The following SEC63 variants were observed in gnomAD, a reference collection of about 807,000 sequenced individuals.
SEC63 encodes translocation protein SEC63 homolog.
In SEC63, 56 loss-of-function variants were observed where a neutral mutation model predicts 116.2. That is an observed-to-expected ratio of 0.48 (90% CI 0.39 to 0.60). SEC63 has a LOEUF of 0.60. Ranked by LOEUF, SEC63 falls within the 20% of genes least tolerant of loss-of-function variation. The pLI, the probability that SEC63 is intolerant of heterozygous loss-of-function variation, is 0.00. For missense variants in SEC63, 668 were observed against 900.0 expected, an observed-to-expected ratio of 0.74 and a Z score of 3.30; for synonymous variants, 273 against 294.6, an observed-to-expected ratio of 0.93 and a Z score of 0.75.
intron 16 of SEC63, among the ~76,000 whole-genome samples, chr6:107,884,420 A>C (rs1786483143): frequency 6.6e-6 from 1 of 152,134 alleles, no homozygotes. Context: ...AACTATATCC[A>C]ACAGACATTA....
At chr6:107,954,482 C>CAAAAAAAAAAAAAAAAAAAAAAA (rs4028832) in intron 1 of SEC63, 1 of 116,846 alleles carries the variant, frequency 8.6e-6, no homozygotes, top group Admixed American at 1.0e-4. Flanking sequence ...AAAAAAAAAT[C>CAAAAAAAAAAAAAAAAAAAAAAA]AAAAAAAAAA....
Position 107,869,001 on chromosome 6 carries a change from A to C in SEC63, c.*2703T>G, listed in dbSNP as rs1031445877. ...TAACATGCCTAGAGAGCCTCATTATATCTCTCCCTCCCTGTTTCCACATCA... is the reference window on the plus strand; with the variant it reads ...TAACATGCCTAGAGAGCCTCATTATCTCTCTCCCTCCCTGTTTCCACATCA... On this transcript the variant is annotated 3_prime_UTR_variant, in exon 21 of 21. Coordinates refer to ENST00000369002, the MANE Select transcript of SEC63 (RefSeq NM_007214.5). 5 of 152,288 alleles carry C rather than the reference A, an allele frequency of 3.3e-5. No homozygotes were observed. Among genetic ancestry groups the C allele is most frequent in the South Asian group, 2.1e-4 (1 of 4,822 alleles). 9.4% of individuals were successfully genotyped at this position (152,288 alleles called of 1,614,324 possible). A position where few individuals can be genotyped will look rare whatever the true frequency, so the allele number is the denominator to read the frequency against.
At position 107,923,812 on chromosome 6, in the gene SEC63, T is replaced by A. The variant is rs139069643; in HGVS notation, c.339+1006A>T. ...TAGGATTACAGGTGTAAGCCACCGT[T>A]CCTGGCTGATATTAGTTCTTTCTAA... is the stretch of plus-strand genomic sequence containing the variant. On this transcript the variant is annotated intron_variant, in intron 3 of 20. Coordinates refer to ENST00000369002, the MANE Select transcript of SEC63 (RefSeq NM_007214.5). Among the ~76,000 whole-genome samples, 465 of 152,138 alleles carry A rather than the reference T, an allele frequency of 3.1e-3. 3 individuals are homozygous for A. The highest frequency in any genetic ancestry group is 0.01 in the African/African-American group (436 of 41,540).
At chr6:107,903,171 C>T (rs1787048051) in intron 11 of SEC63, 173 bp from the exon 12 acceptor site, 9 of 677,162 alleles carry the variant, frequency 1.3e-5, no homozygotes, top group Middle Eastern at 2.4e-4. Context: ...TATACAAACT[C>T]GATCTAATGA....
chr6:107,893,972 C>A, intron 14 of SEC63, 75 bp from the exon 15 acceptor site: 2 of 1,470,634 alleles, frequency 1.4e-6, no homozygotes, highest in South Asian at 1.2e-5. Context: ...AGCAATCTTT[C>A]AAACTGCATT....
At chr6:107,906,390 A>C in intron 10 of SEC63, 58 bp downstream of exon 10, 1 of 1,570,192 alleles carries the variant, frequency 6.4e-7, no homozygotes, top group Non-Finnish European at 8.8e-7. Context: ...CATTAAGTCT[A>C]ATTAATTCTG....
chr6:107,950,631 T>C (rs1770562737), intron 1 of SEC63, among the ~76,000 whole-genome samples: 1 of 152,176 alleles, frequency 6.6e-6, no homozygotes, highest in Non-Finnish European at 1.5e-5. Flanking sequence ...AGAAGTTAAA[T>C]CAGTAACCAA....
At chr6:107,904,921 C>A (rs374401420) in intron 10 of SEC63, among the ~76,000 whole-genome samples, 200 bp from the exon 11 acceptor site, 1 of 152,154 alleles carries the variant, frequency 6.6e-6, no homozygotes, top group Non-Finnish European at 1.5e-5. Context: ...TCAGATTAGA[C>A]GTTTCAAAGA....
chr6:107,900,993 A>C (rs1254246518), intron 13 of SEC63, among the ~76,000 whole-genome samples: 3 of 152,248 alleles, frequency 2.0e-5, no homozygotes, highest in African/African-American at 7.2e-5. Context: ...TGGGTTTTAA[A>C]AATTTAATTT....
At chr6:107,917,677 T>C (rs1787441529) in intron 4 of SEC63, among the ~76,000 whole-genome samples, 1 of 152,180 alleles carries the variant, frequency 6.6e-6, no homozygotes, top group South Asian at 2.1e-4. Context: ...TTGAAGAATG[T>C]TTCAGTGGTC....
chr6:107,938,620 T>C (rs953591567), intron 1 of SEC63, among the ~76,000 whole-genome samples: 28 of 151,332 alleles, frequency 1.9e-4, no homozygotes, highest in Non-Finnish European at 3.2e-4. Flanking sequence ...TGGAGTGCAA[T>C]GGCGTGATCT....
At chr6:107,952,250 G>A (rs1314260476) in intron 1 of SEC63, among the ~76,000 whole-genome samples, 1 of 152,106 alleles carries the variant, frequency 6.6e-6, no homozygotes, top group Non-Finnish European at 1.5e-5. Context: ...TAGATAACAG[G>A]TACGTTCAAT....
intron 13 of SEC63, among the ~76,000 whole-genome samples, chr6:107,898,157 G>A (rs768413565): frequency 2.0e-5 from 3 of 151,914 alleles, no homozygotes; most frequent in East Asian, 1.9e-4. Flanking sequence ...TCAGCTAGTC[G>A]GGAGGCTGAG....
intron 1 of SEC63, 150 bp from the exon 2 acceptor site, chr6:107,929,664 A>G: frequency 3.3e-6 from 2 of 607,604 alleles, no homozygotes; most frequent in Admixed American, 2.8e-5. Flanking sequence ...TAAAAAACTT[A>G]CAAGATAGGT....
chr6:107,885,123 T>C (rs1205404591), intron 16 of SEC63, among the ~76,000 whole-genome samples: 1 of 152,058 alleles, frequency 6.6e-6, no homozygotes, highest in Non-Finnish European at 1.5e-5. Flanking sequence ...GTTCCTACTA[T>C]CATCACTCTG....
intron 1 of SEC63, among the ~76,000 whole-genome samples, chr6:107,937,976 AG>A (rs1770293450): frequency 1.3e-5 from 2 of 152,118 alleles, no homozygotes; most frequent in Non-Finnish European, 2.9e-5. Context: ...CTTATTCTGT[AG>A]GTTGTCTGTT....
Position 107,904,716 on chromosome 6 carries a change from G to T in SEC63, c.967C>A (p.Gln323Lys). 6.2e-7 allele frequency: 1 copy of T among 1,610,134 alleles called. No homozygotes were observed. The highest frequency in any genetic ancestry group is 8.5e-7 in the Non-Finnish European group (1 of 1,176,418). ...KIPETLEEDQQFMLKKCPALL... is the reference protein window; with the variant it reads ...KIPETLEEDQKFMLKKCPALL... ...GCAGGACACTTTTTTAGCATGAATT[G>T]CTGATCTGCAAAACAATAAAAAACC... The change falls in exon 11 of 21, where the codon CAA becomes AAA. Residue 323 changes from glutamine (Q) to lysine (K), a missense_variant. Around this residue, in one of 5 missense-constraint regions of SEC63, gnomAD observed 430 missense variants for 557.5 expected, o/e 0.77. Transcript: ENST00000369002.
rs183143588 is a variant in SEC63 at position 107,910,604 on chromosome 6, G to A, written c.624+742C>T. 3.3e-3 allele frequency among the ~76,000 whole-genome samples: 493 copies of A among 149,852 alleles called. 4 individuals carry two copies. Among genetic ancestry groups the A allele is most frequent in the African/African-American group, 0.012 (459 of 39,516 alleles). On this transcript the variant is annotated intron_variant, in intron 7 of 20. Transcript: ENST00000369002. The stretch of plus-strand genomic sequence containing the variant: ...ATACACATGTATGTCATACACACAC[G>A]TGTCATACATATATGCACGTGTCAT...
At chr6:107,882,911 C>A (rs1786444339) in intron 17 of SEC63, 77 bp downstream of exon 17, 2 of 959,346 alleles carry the variant, frequency 2.1e-6, no homozygotes. Flanking sequence ...AACAAATGAA[C>A]AACAACAACA....
Sources: gnomAD v4.1 joint callset for allele counts (sites outside exome capture counted in the v4.1 genomes callset) on GRCh38, gnomAD v4.1.1 for gene constraint, gnomAD v4.1.1 regional missense constraint, MANE v1.5 for transcripts, NCBI Gene and HGNC (gene_info 2026-07-23, HGNC 2026-07-21) for gene names.